The following RBMS3 variants were observed in gnomAD, a reference collection of about 807,000 sequenced individuals.
RBMS3 encodes the protein RNA-binding motif, single-stranded-interacting protein 3.
In RBMS3, 27 loss-of-function variants were observed where a neutral mutation model predicts 66.8. The ratio of observed to expected loss-of-function variants is 0.40; its 90% CI spans 0.30 to 0.56. RBMS3 has a LOEUF of 0.56. RBMS3 is among the 20% of genes least tolerant of loss of function. The probability of loss-of-function intolerance (pLI) is 0.40; values close to 1 mark genes in which losing one functional copy is unlikely to be tolerated. For synonymous variants in RBMS3, 188 were observed against 183.0 expected (o/e 1.03, Z -0.22); for missense variants, 513 against 549.5 (o/e 0.93, Z 0.66).
rs1699835214 is a variant in RBMS3, at chr3:30,007,544, G to T, written c.*3682G>T. On this transcript the variant is annotated 3_prime_UTR_variant, in exon 15 of 15. Coordinates refer to ENST00000383767, the MANE Select transcript of RBMS3 (RefSeq NM_001003793.3). ...AACAGTGAGTTTTCTTTTAATAATG[G>T]TATGGTATTGTCAAGGGAGGCAAAG... 6.6e-6 allele frequency: 1 copy of T among 151,964 alleles called. No homozygotes were observed. Among genetic ancestry groups the T allele is most frequent in the Non-Finnish European group, 1.5e-5 (1 of 67,950 alleles). 9.4% of individuals were successfully genotyped at this position (151,964 alleles called of 1,614,324 possible). A position where few individuals can be genotyped will look rare whatever the true frequency, so the allele number is the denominator to read the frequency against.
intron 4 of RBMS3, among the ~76,000 whole-genome samples, chr3:29,612,504 T>A (rs1576358643): frequency 6.6e-6 from 1 of 152,030 alleles, no homozygotes; most frequent in African/African-American, 2.4e-5. Flanking sequence ...AAACTGTATG[T>A]GTAGGATAAA....
intron 5 of RBMS3, among the ~76,000 whole-genome samples, chr3:29,750,184 T>TA (rs1277923583): frequency 6.6e-6 from 1 of 151,390 alleles, no homozygotes; most frequent in Non-Finnish European, 1.5e-5. Context: ...GCTTTTTAAT[T>TA]AGAGTTCTGG....
chr3:29,857,511 G>A (rs2059109803), intron 6 of RBMS3, among the ~76,000 whole-genome samples: 1 of 147,168 alleles, frequency 6.8e-6, no homozygotes. Flanking sequence ...CAAGTAGGTT[G>A]GCTAATTATA....
At chr3:29,685,030 C>T (rs993181489) in intron 4 of RBMS3, among the ~76,000 whole-genome samples, 4 of 147,086 alleles carry the variant, frequency 2.7e-5, no homozygotes, top group South Asian at 2.2e-4. Context: ...AAACAGTTTC[C>T]GGTAAACAAT....
intron 6 of RBMS3, among the ~76,000 whole-genome samples, chr3:29,768,683 G>A (rs2056041149): frequency 6.6e-6 from 1 of 151,838 alleles, no homozygotes; most frequent in South Asian, 2.1e-4. Context: ...ATCACCCCCT[G>A]GGATAGCCTC....
At chr3:29,553,684 G>A (rs1358958443) in intron 3 of RBMS3, among the ~76,000 whole-genome samples, 1 of 151,756 alleles carries the variant, frequency 6.6e-6, no homozygotes. Flanking sequence ...CATCACATGT[G>A]CATATATAAT....
intron 4 of RBMS3, among the ~76,000 whole-genome samples, chr3:29,679,437 G>T (rs2051392929): frequency 6.6e-6 from 1 of 151,916 alleles, no homozygotes; most frequent in Non-Finnish European, 1.5e-5. Flanking sequence ...TTATTAAAAT[G>T]AATTTAAAAT....
intron 4 of RBMS3, among the ~76,000 whole-genome samples, chr3:29,734,567 G>A (rs547186596): frequency 1.3e-5 from 2 of 152,050 alleles, no homozygotes; most frequent in African/African-American, 4.8e-5. Flanking sequence ...AAAAGGGTTC[G>A]ATAGTATATA....
chr3:29,302,213 T>G (rs1304817320), intron 1 of RBMS3, among the ~76,000 whole-genome samples: 1 of 151,924 alleles, frequency 6.6e-6, no homozygotes, highest in Admixed American at 6.6e-5. Context: ...ATTATCACTA[T>G]ATTGTCCAAG....
chr3:29,355,707 T>C (rs931239063), intron 1 of RBMS3, among the ~76,000 whole-genome samples: 2 of 152,158 alleles, frequency 1.3e-5, no homozygotes, highest in African/African-American at 4.8e-5. Flanking sequence ...TGCCTTCATT[T>C]CCAAAATGAG....
intron 4 of RBMS3, among the ~76,000 whole-genome samples, chr3:29,656,192 C>G (rs2050321566): frequency 6.6e-6 from 1 of 152,092 alleles, no homozygotes; most frequent in Non-Finnish European, 1.5e-5. Context: ...CAGTAGTCTA[C>G]AGCAGTGTAC....
chr3:29,505,659 A>T (rs2044156903), intron 3 of RBMS3, among the ~76,000 whole-genome samples: 1 of 151,638 alleles, frequency 6.6e-6, no homozygotes, highest in Non-Finnish European at 1.5e-5. Context: ...TAATCTGTAG[A>T]TTGCTTTGGG....
chr3:29,944,147 T>C, intron 11 of RBMS3, 60 bp from the exon 12 acceptor site: 2 of 1,455,922 alleles, frequency 1.4e-6, no homozygotes, highest in Non-Finnish European at 9.6e-7. Context: ...TTAGGGCTGA[T>C]TCTATTTTAT....
intron 1 of RBMS3, among the ~76,000 whole-genome samples, chr3:29,410,507 T>C (rs1378114668): frequency 2.0e-5 from 3 of 152,182 alleles, no homozygotes; most frequent in Non-Finnish European, 4.4e-5. Context: ...TGTGGGAATA[T>C]GTCCTTGAGA....
chr3:29,698,697 ACT>A (rs375853954), intron 4 of RBMS3: 2 of 773,944 alleles, frequency 2.6e-6, no homozygotes, highest in African/African-American at 3.8e-5. Flanking sequence ...TTCTGGAAAG[ACT>A]CTGTGTGGAC....
At chr3:29,518,031 A>G (rs141927109) in intron 3 of RBMS3, among the ~76,000 whole-genome samples, 183 of 152,324 alleles carry the variant, frequency 1.2e-3, no homozygotes, top group Non-Finnish European at 2.4e-3. Flanking sequence ...CCTGTTGTGC[A>G]TAAGTAAGAG....
chr3:29,638,527 A>G (rs9818762), intron 4 of RBMS3, among the ~76,000 whole-genome samples: 11,918 of 151,858 alleles, frequency 0.078, 826 homozygotes, highest in East Asian at 0.35. Flanking sequence ...TAGTTTATTC[A>G]TCACCATCTT....
chr3:29,409,136 A>G (rs2040155568), intron 1 of RBMS3, among the ~76,000 whole-genome samples: 1 of 152,184 alleles, frequency 6.6e-6, no homozygotes, highest in East Asian at 1.9e-4. Flanking sequence ...ATTTTAGAAA[A>G]TCTCAGTTAT....
intron 4 of RBMS3, among the ~76,000 whole-genome samples, chr3:29,667,880 A>G (rs914249852): frequency 6.6e-5 from 10 of 152,188 alleles, no homozygotes; most frequent in African/African-American, 2.4e-4. Context: ...ATTGTAACAC[A>G]AAACAAAATA....
Sources: allele counts gnomAD v4.1 joint callset (sites outside exome capture counted in the v4.1 genomes callset), GRCh38; gene constraint gnomAD v4.1.1; transcripts MANE v1.5; gene names NCBI Gene and HGNC (gene_info 2026-07-23, HGNC 2026-07-21).